Variants in NPAS3 observed in about 807,000 individuals in gnomAD.
NPAS3 encodes neuronal PAS domain protein 3.
In NPAS3, 14 loss-of-function variants were observed where a neutral mutation model predicts 73.1. That is an observed-to-expected ratio of 0.19 (90% CI 0.13 to 0.30). The LOEUF (loss-of-function observed/expected upper bound fraction) is 0.30, where lower values mean the gene tolerates loss of function less well. Among genes scored for constraint, NPAS3 ranks in the 10% least tolerant of loss-of-function variants. The pLI is 1.00. For synonymous variants in NPAS3, 620 were observed against 541.5 expected, an observed-to-expected ratio of 1.14 and a Z score of -2.01; for missense variants, 1,096 against 1,250.0, an observed-to-expected ratio of 0.88 and a Z score of 1.86.
At chr14:33,632,309 G>A (rs935428556) in intron 5 of NPAS3, among the ~76,000 whole-genome samples, 2 of 152,124 alleles carry the variant, frequency 1.3e-5, no homozygotes, top group African/African-American at 4.8e-5. Flanking sequence ...TGTGATTCAG[G>A]ATGTCTGGGT....
intron 2 of NPAS3, among the ~76,000 whole-genome samples, chr14:33,066,036 T>C (rs772925052): frequency 6.6e-6 from 1 of 152,160 alleles, no homozygotes; most frequent in Non-Finnish European, 1.5e-5. Flanking sequence ...TCTGGATGTC[T>C]TGGTGAAGAA....
intron 1 of NPAS3, among the ~76,000 whole-genome samples, chr14:33,051,673 T>C (rs978179962): frequency 1.3e-5 from 2 of 152,228 alleles, no homozygotes; most frequent in African/African-American, 4.8e-5. Context: ...GAAGAAACTG[T>C]GTTTTCAAAC....
At chr14:33,301,409 G>A (rs916355169) in intron 3 of NPAS3, among the ~76,000 whole-genome samples, 1 of 149,130 alleles carries the variant, frequency 6.7e-6, no homozygotes, top group Non-Finnish European at 1.5e-5. Context: ...TCTAGCTCCT[G>A]CTCAAAAGAA....
chr14:33,285,875 T>C (rs886241456), intron 3 of NPAS3, among the ~76,000 whole-genome samples: 21 of 152,168 alleles, frequency 1.4e-4, no homozygotes, highest in African/African-American at 4.8e-4. Context: ...CTTCAACTCC[T>C]CCCACTTTCC....
chr14:33,597,047 A>G (rs1368522805), intron 5 of NPAS3, among the ~76,000 whole-genome samples: 1 of 152,170 alleles, frequency 6.6e-6, no homozygotes, highest in Admixed American at 6.5e-5. Context: ...TTTTTATATA[A>G]ATCAAAGGCG....
chr14:33,163,285 C>T (rs753995406), intron 2 of NPAS3, among the ~76,000 whole-genome samples: 1 of 152,202 alleles, frequency 6.6e-6, no homozygotes, highest in Non-Finnish European at 1.5e-5. Context: ...GCCTTTCATC[C>T]TGGCGGCCTC....
At chr14:33,390,961 A>G (rs1433822200) in intron 4 of NPAS3, among the ~76,000 whole-genome samples, 4 of 152,102 alleles carry the variant, frequency 2.6e-5, no homozygotes, top group Non-Finnish European at 5.9e-5. Context: ...TGTGTCCTGT[A>G]CTTTCTTTTA....
chr14:33,125,347 G>A (rs1009338563), intron 2 of NPAS3, among the ~76,000 whole-genome samples: 1 of 151,906 alleles, frequency 6.6e-6, no homozygotes, highest in Non-Finnish European at 1.5e-5. Context: ...TTATCTTCAG[G>A]GTACAGAATT....
At chr14:33,603,110 C>T (rs1052982887) in intron 5 of NPAS3, among the ~76,000 whole-genome samples, 18 of 152,180 alleles carry the variant, frequency 1.2e-4, no homozygotes, top group Non-Finnish European at 2.4e-4. Context: ...GGAAGTCAAA[C>T]TTGTTATTAT....
chr14:33,394,099 C>T (rs914055597), intron 4 of NPAS3, among the ~76,000 whole-genome samples: 1 of 151,972 alleles, frequency 6.6e-6, no homozygotes, highest in African/African-American at 2.4e-5. Flanking sequence ...AATGTGATGC[C>T]CTGATGGATG....
intron 3 of NPAS3, among the ~76,000 whole-genome samples, chr14:33,308,553 C>CACACACAT (rs1195213186): frequency 5.3e-5 from 6 of 113,904 alleles, no homozygotes; most frequent in African/African-American, 2.4e-4. Flanking sequence ...CACACACACA[C>CACACACAT]ACATACATAC....
intron 7 of NPAS3, among the ~76,000 whole-genome samples, chr14:33,737,567 A>C (rs2061553527): frequency 6.6e-6 from 1 of 152,004 alleles, no homozygotes; most frequent in African/African-American, 2.4e-5. Context: ...ACTACTACCA[A>C]CAAAAGTTGA....
At chr14:33,344,700 C>T (rs2044646586) in intron 3 of NPAS3, among the ~76,000 whole-genome samples, 1 of 152,132 alleles carries the variant, frequency 6.6e-6, no homozygotes, top group Non-Finnish European at 1.5e-5. Flanking sequence ...TATAATAAAG[C>T]AATTTTGTCA....
chr14:32,984,228 C>T (rs2038011718), intron 1 of NPAS3, among the ~76,000 whole-genome samples: 5 of 152,158 alleles, frequency 3.3e-5, no homozygotes, highest in Admixed American at 1.3e-4. Context: ...GTTTTAATCC[C>T]TGCTGTATCT....
intron 4 of NPAS3, among the ~76,000 whole-genome samples, chr14:33,391,699 A>G (rs921469645): frequency 1.3e-5 from 2 of 152,188 alleles, no homozygotes; most frequent in African/African-American, 4.8e-5. Context: ...AGTTTTTATG[A>G]TCAGAAATAG....
chr14:33,113,844 C>G (rs927626797), intron 2 of NPAS3, among the ~76,000 whole-genome samples: 3 of 152,082 alleles, frequency 2.0e-5, no homozygotes, highest in African/African-American at 4.8e-5. Flanking sequence ...TACGTCCCAT[C>G]AATACCTAAT....
chr14:33,308,232 G>A (rs902338973), intron 3 of NPAS3, among the ~76,000 whole-genome samples: 1 of 152,060 alleles, frequency 6.6e-6, no homozygotes, highest in Non-Finnish European at 1.5e-5. Flanking sequence ...CTGTGACAGT[G>A]AGAATGTGCC....
chr14:33,735,081 AATTG>A (rs1160878802), intron 6 of NPAS3, 129 bp from the exon 7 acceptor site: 1 of 661,996 alleles, frequency 1.5e-6, no homozygotes, highest in East Asian at 2.5e-5. Flanking sequence ...AAATGAGGTA[AATTG>A]ATTACTACTG....
Position 33,614,088 on chromosome 14 carries a change from C to T in NPAS3, c.558+53878C>T, listed in dbSNP as rs145149473. ...CTCTTTCTTAAAAAGCTGGTAAAAC[C>T]AAAGTTTATAAATAAGGACTTATCA... is the stretch of plus-strand genomic sequence containing the variant. On this transcript the variant is annotated intron_variant, in intron 5 of 11. Coordinates refer to ENST00000356141, the Ensembl canonical transcript of NPAS3. Among the ~76,000 whole-genome samples, 223 of 152,240 alleles carry T rather than the reference C, an allele frequency of 1.5e-3. 1 individual carries two copies. Among genetic ancestry groups the T allele is most frequent in the African/African-American group, 5.1e-3 (210 of 41,524 alleles).
Sources: allele counts gnomAD v4.1 joint callset (sites outside exome capture counted in the v4.1 genomes callset), GRCh38; gene constraint gnomAD v4.1.1; transcripts MANE v1.5; gene names NCBI Gene and HGNC (gene_info 2026-07-23, HGNC 2026-07-21).